Variants in ZNF398 observed in about 807,000 individuals in gnomAD.
The protein encoded by ZNF398 is zinc finger protein 398.
ZNF398 carries 18 observed loss-of-function variants against 41.9 expected under a neutral mutation model. The ratio of observed to expected loss-of-function variants is 0.43; its 90% confidence interval spans 0.30 to 0.64. ZNF398 has a LOEUF of 0.64. ZNF398 is among the 30% of genes least tolerant of loss of function. ZNF398 has a pLI of 0.14. For missense variants in ZNF398, 669 were observed against 822.8 expected (o/e 0.81, Z 2.29); for synonymous variants, 260 against 308.8 (o/e 0.84, Z 1.66).
At chr7:149,162,880 A>G (rs1217289776) in intron 2 of ZNF398, among the ~76,000 whole-genome samples, 1 of 139,220 alleles carries the variant, frequency 7.2e-6, no homozygotes, top group Non-Finnish European at 1.6e-5. Context: ...CAACATGGCA[A>G]ACCCCTGGGT....
intron 4 of ZNF398, among the ~76,000 whole-genome samples, chr7:149,175,426 G>A (rs1795441033): frequency 6.6e-6 from 1 of 152,100 alleles, no homozygotes; most frequent in Admixed American, 6.5e-5. Flanking sequence ...GATGAGGCAT[G>A]TTGTGTGCAA....
At chr7:149,135,667 TAA>T (rs1374448428) in intron 2 of ZNF398, among the ~76,000 whole-genome samples, 1 of 151,794 alleles carries the variant, frequency 6.6e-6, no homozygotes, top group Non-Finnish European at 1.5e-5. Context: ...AGAATAATAA[TAA>T]TAGTCCGGGT....
chr7:149,130,846 G>C (rs1826580963), intron 2 of ZNF398, among the ~76,000 whole-genome samples: 1 of 152,212 alleles, frequency 6.6e-6, no homozygotes, highest in Non-Finnish European at 1.5e-5. Context: ...CCATCTCCCT[G>C]ACAGGCTAAA....
chr7:149,174,921 C>T (rs950856503), intron 4 of ZNF398, among the ~76,000 whole-genome samples: 2 of 141,792 alleles, frequency 1.4e-5, no homozygotes, highest in Admixed American at 6.8e-5. Flanking sequence ...TCCAGTCTTT[C>T]CCCCCCTCTG....
chr7:149,129,346 T>C (rs1485668144), intron 2 of ZNF398, among the ~76,000 whole-genome samples: 1 of 152,114 alleles, frequency 6.6e-6, no homozygotes, highest in Non-Finnish European at 1.5e-5. Flanking sequence ...GGTATCCATA[T>C]CATTGTGTGT....
chr7:149,157,958 C>G (rs887443529), intron 2 of ZNF398, among the ~76,000 whole-genome samples: 1 of 150,856 alleles, frequency 6.6e-6, no homozygotes, highest in Non-Finnish European at 1.5e-5. Context: ...GCCTGTAGTC[C>G]CTGCCTGTAG....
intron 5 of ZNF398, 147 bp downstream of exon 5, chr7:149,176,728 CCAAA>C: frequency 3.7e-6 from 2 of 541,550 alleles, no homozygotes; most frequent in South Asian, 2.7e-5. Flanking sequence ...ATGAATGAAA[CCAAA>C]CAGTCACTAA....
At chr7:149,131,199 G>T (rs983568118) in intron 2 of ZNF398, among the ~76,000 whole-genome samples, 1 of 152,140 alleles carries the variant, frequency 6.6e-6, no homozygotes, top group Non-Finnish European at 1.5e-5. Context: ...TCAGTGTAGG[G>T]GTATCTCAAT....
chr7:149,172,533 A>G (rs1015371556), intron 4 of ZNF398, among the ~76,000 whole-genome samples: 36 of 152,228 alleles, frequency 2.4e-4, no homozygotes, highest in African/African-American at 8.2e-4. Context: ...GAAGCCGTCA[A>G]GTGCTTCCTT....
chr7:149,148,863 C>CTTTTTTTTTTTTTTTTTTTTTTTTTTT (rs59895177), intron 1 of ZNF398, among the ~76,000 whole-genome samples: 4 of 63,282 alleles, frequency 6.3e-5, no homozygotes, highest in African/African-American at 1.4e-4. Context: ...TTTTCTTTGT[C>CTTTTTTTTTTTTTTTTTTTTTTTTTTT]TTTTTTTTTT....
chr7:149,172,005 C>T (rs528700462), intron 4 of ZNF398, among the ~76,000 whole-genome samples: 2 of 152,242 alleles, frequency 1.3e-5, no homozygotes, highest in East Asian at 3.9e-4. Flanking sequence ...TTATGCAGTG[C>T]ATGACTCCAT....
chr7:149,162,224 C>T (rs192499024), intron 2 of ZNF398, among the ~76,000 whole-genome samples: 2 of 151,764 alleles, frequency 1.3e-5, no homozygotes, highest in East Asian at 3.9e-4. Context: ...CTCTGTCGCC[C>T]AGGCTGGAGT....
chr7:149,153,864 G>T, intron 1 of ZNF398, 81 bp from the exon 2 acceptor site: 1 of 1,458,790 alleles, frequency 6.9e-7, no homozygotes, highest in Non-Finnish European at 9.3e-7. Context: ...GGACAGTTAA[G>T]CAGTCCTTAT....
chr7:149,163,204 T>C (rs1173142746), intron 2 of ZNF398, among the ~76,000 whole-genome samples: 1 of 151,642 alleles, frequency 6.6e-6, no homozygotes, highest in African/African-American at 2.4e-5. Flanking sequence ...TTTTGTTTGT[T>C]TGTTTGTTTG....
intron 1 of ZNF398, among the ~76,000 whole-genome samples, chr7:149,148,837 A>C (rs1585513281): frequency 8.4e-6 from 1 of 118,844 alleles, no homozygotes; most frequent in South Asian, 3.2e-4. Flanking sequence ...ACATCATGAG[A>C]TTTATGCACG....
intron 1 of ZNF398, among the ~76,000 whole-genome samples, chr7:149,152,347 G>A (rs1438616736): frequency 1.4e-5 from 2 of 145,690 alleles, no homozygotes; most frequent in Non-Finnish European, 3.0e-5. Context: ...TGTAAGCTCC[G>A]CCTCCTGGGT....
rs190001356 is a variant in ZNF398 at position 149,162,434 on chromosome 7, G to A, written c.421-3724G>A. Among the ~76,000 whole-genome samples, 245 of 152,134 alleles carry A rather than the reference G, an allele frequency of 1.6e-3. 5 individuals carry two copies. The highest frequency in any genetic ancestry group is 5.4e-3 in the African/African-American group (223 of 41,510). On this transcript the variant is annotated intron_variant, in intron 2 of 5. Coordinates refer to ENST00000475153, the MANE Select transcript of ZNF398 (RefSeq NM_170686.3). ...CCTGACCTCGTGATCCGCCCGCCTC[G>A]GCCTCTCAAAGTGCTGGGATTACAG...
chr7:149,157,253 G>A (rs1044585808), intron 2 of ZNF398, among the ~76,000 whole-genome samples: 1 of 152,280 alleles, frequency 6.6e-6, no homozygotes, highest in East Asian at 1.9e-4. Flanking sequence ...TCCAGGACAG[G>A]GCGGGGCACG....
chr7:149,182,537 G>A lies in ZNF398; in HGVS notation c.*2736G>A, dbSNP rs1795614810. On this transcript the variant is annotated 3_prime_UTR_variant, in exon 6 of 6. Transcript: ENST00000475153. ...CATGCAATTTAACACTTCAGTTAAA[G>A]AAATACATGAGAACTGCTTGTCATG... 6.6e-6 allele frequency: 1 copy of A among 152,202 alleles called. No homozygotes were observed. Among genetic ancestry groups the A allele is most frequent in the African/African-American group, 2.4e-5 (1 of 41,448 alleles). 9.4% of individuals were successfully genotyped at this position (152,202 alleles called of 1,614,324 possible).
Sources: allele counts gnomAD v4.1 joint callset (sites outside exome capture counted in the v4.1 genomes callset), GRCh38; gene constraint gnomAD v4.1.1; transcripts MANE v1.5; gene names NCBI Gene and HGNC (gene_info 2026-07-23, HGNC 2026-07-21).